The following PRKAR1A variants were observed in gnomAD, a reference collection of about 807,000 sequenced individuals.
PRKAR1A encodes the protein cAMP-dependent protein kinase type I-alpha regulatory subunit.
Under a neutral mutation model 52.0 loss-of-function variants are expected in PRKAR1A, and 3 were observed. The ratio of observed to expected loss-of-function variants is 0.06; its 90% confidence interval spans 0.03 to 0.15. The LOEUF (loss-of-function observed/expected upper bound fraction) is 0.15, where lower values mean the gene tolerates loss of function less well. Among genes scored for constraint, PRKAR1A ranks in the 10% least tolerant of loss-of-function variants. The pLI is 1.00. For missense variants in PRKAR1A, 240 were observed against 477.4 expected, an observed-to-expected ratio of 0.50 and a Z score of 4.63; for synonymous variants, 188 against 168.4, an observed-to-expected ratio of 1.12 and a Z score of -0.90.
chr17:68,482,225 C>T, the PRKAR1A span, among the ~76,000 whole-genome samples: 132 of 152,340 alleles, frequency 8.7e-4, no homozygotes, highest in Middle Eastern at 6.8e-3. Flanking sequence ...TAATTTAAAA[C>T]TTATGTCGTC....
chr17:68,531,476 G>C lies in PRKAR1A; in HGVS notation c.*1027G>C. 1.9e-6 allele frequency: 2 copies of C among 1,066,154 alleles called. No individual in the cohort carries two copies. The highest frequency in any genetic ancestry group is 2.3e-6 in the Non-Finnish European group (2 of 879,566). 66.0% of individuals were successfully genotyped at this position (1,066,154 alleles called of 1,614,324 possible). ...GCTGCTAAAGGGAGAAATGCCAGGC[G>C]GACAAAGTTCAGTGTCGGGAATTTT... On this transcript the variant is annotated 3_prime_UTR_variant, in exon 11 of 11. Coordinates refer to ENST00000589228, the MANE Select transcript of PRKAR1A (RefSeq NM_002734.5).
chr17:68,485,294 G>A, the PRKAR1A span, among the ~76,000 whole-genome samples: 2 of 152,188 alleles, frequency 1.3e-5, no homozygotes, highest in Non-Finnish European at 1.5e-5. Flanking sequence ...CCCCTAAAAT[G>A]AGCTAATATT....
the PRKAR1A span, among the ~76,000 whole-genome samples, chr17:68,445,248 C>T: frequency 6.6e-6 from 1 of 152,118 alleles, no homozygotes; most frequent in East Asian, 1.9e-4. Flanking sequence ...TGATCAGACC[C>T]CCTGTGCCAT....
chr17:68,437,029 T>TGC, the PRKAR1A span, among the ~76,000 whole-genome samples: 2 of 150,564 alleles, frequency 1.3e-5, no homozygotes, highest in African/African-American at 4.9e-5. Flanking sequence ...TGTGTGTGTG[T>TGC]GTGTGTGTAT....
At chr17:68,420,075 AC>A in the PRKAR1A span, 1 of 1,226,092 alleles carries the variant, frequency 8.2e-7, no homozygotes. Flanking sequence ...CATCATTGGA[AC>A]ATTTGGTTAT....
the PRKAR1A span, among the ~76,000 whole-genome samples, chr17:68,506,155 A>C: frequency 6.6e-6 from 1 of 152,210 alleles, no homozygotes; most frequent in Non-Finnish European, 1.5e-5. Context: ...CAACATCTAA[A>C]GCATTTACTA....
At chr17:68,545,212 G>A (rs550249660) in intron 11 of PRKAR1A, among the ~76,000 whole-genome samples, 1 of 152,202 alleles carries the variant, frequency 6.6e-6, no homozygotes, top group African/African-American at 2.4e-5. Flanking sequence ...CTGTGTTATG[G>A]TATGAAAATA....
At chr17:68,524,700 G>GGT (rs2085728848) in intron 5 of PRKAR1A, among the ~76,000 whole-genome samples, 1 of 151,874 alleles carries the variant, frequency 6.6e-6, no homozygotes, top group Non-Finnish European at 1.5e-5. Context: ...TTTTTTCAGA[G>GGT]GTATTCTTCA....
the PRKAR1A span, among the ~76,000 whole-genome samples, chr17:68,470,830 A>G: frequency 6.6e-6 from 1 of 152,354 alleles, no homozygotes; most frequent in Admixed American, 6.5e-5. Context: ...AGACAAAGAA[A>G]TGGAGGCTCA....
In PRKAR1A at chr17:68,530,939, A is replaced by C. The variant is rs1042229326; in HGVS notation, c.*490A>C. ...TGGATATAGAAAATCTTAGTATAGT[A>C]GAAAGACATCTGCCTGTAATTAAAC... is the stretch of plus-strand genomic sequence containing the variant. On this transcript the variant is annotated 3_prime_UTR_variant, in exon 11 of 11. Coordinates refer to ENST00000589228, the MANE Select transcript of PRKAR1A (RefSeq NM_002734.5). 9.1e-7 allele frequency: 1 copy of C among 1,097,190 alleles called. No homozygotes were observed. The highest frequency in any genetic ancestry group is 4.5e-5 in the Admixed American group (1 of 22,142). The allele number at this position is 1,097,190 out of a possible 1,614,324, so 68.0% of individuals were successfully genotyped here. A position where few individuals can be genotyped will look rare whatever the true frequency, so the allele number is the denominator to read the frequency against.
At chr17:68,485,069 A>T in the PRKAR1A span, among the ~76,000 whole-genome samples, 1 of 152,226 alleles carries the variant, frequency 6.6e-6, no homozygotes, top group African/African-American at 2.4e-5. Flanking sequence ...AACAACTTGA[A>T]CTTCTATGAT....
At chr17:68,500,415 C>G in the PRKAR1A span, among the ~76,000 whole-genome samples, 5 of 152,324 alleles carry the variant, frequency 3.3e-5, no homozygotes, top group African/African-American at 9.6e-5. Flanking sequence ...GTAAGACATG[C>G]CTTTTGCCTT....
upstream of PRKAR1A, among the ~76,000 whole-genome samples, chr17:68,508,812 C>T (rs2143063479): frequency 6.6e-6 from 1 of 152,270 alleles, no homozygotes; most frequent in South Asian, 2.1e-4. Context: ...AATTAATGCT[C>T]AAGATAAACA....
the PRKAR1A span, among the ~76,000 whole-genome samples, chr17:68,416,635 C>T: frequency 3.3e-5 from 5 of 152,156 alleles, no homozygotes; most frequent in African/African-American, 1.2e-4. Flanking sequence ...AACATAATCC[C>T]AGCCTTCTTG....
chr17:68,492,390 C>T, the PRKAR1A span, among the ~76,000 whole-genome samples: 1 of 152,104 alleles, frequency 6.6e-6, no homozygotes, highest in African/African-American at 2.4e-5. Flanking sequence ...GGTGCAGACC[C>T]CAAGGTTCTT....
rs185914270 is a variant in PRKAR1A at position 68,527,630 on chromosome 17, C to T, written c.709-210C>T. 1.3e-4 allele frequency: 68 copies of T among 522,834 alleles called. 1 individual carries two copies. The highest frequency in any genetic ancestry group is 1.0e-3 in the South Asian group (48 of 47,446). The allele number at this position is 522,834 out of a possible 1,614,324, so 32.4% of individuals were successfully genotyped here. On this transcript the variant is annotated intron_variant, in intron 7 of 10. Transcript: ENST00000589228. ...TGCTAGGAATTGGGCATAATATTGG[C>T]GGAAAATAAAAATCACAAGAATGTC...
chr17:68,475,624 T>C, the PRKAR1A span, among the ~76,000 whole-genome samples: 9 of 152,190 alleles, frequency 5.9e-5, no homozygotes, highest in African/African-American at 2.2e-4. Flanking sequence ...CCACCACGCC[T>C]GGCTAATTTT....
intron 1 of PRKAR1A, 126 bp from the exon 2 acceptor site, chr17:68,515,267 TA>T: frequency 9.2e-7 from 1 of 1,081,600 alleles, no homozygotes; most frequent in Non-Finnish European, 1.4e-6. Context: ...CTTCCCTGTT[TA>T]AAAACAAAAT....
the PRKAR1A span, among the ~76,000 whole-genome samples, chr17:68,473,322 A>G: frequency 2.0e-5 from 3 of 152,086 alleles, no homozygotes; most frequent in Non-Finnish European, 4.4e-5. Context: ...TGGGAGGATC[A>G]GTTGAGCCCA....
Sources: gnomAD v4.1 joint callset for allele counts (sites outside exome capture counted in the v4.1 genomes callset) on GRCh38, gnomAD v4.1.1 for gene constraint, MANE v1.5 for transcripts, NCBI Gene and HGNC (gene_info 2026-07-23, HGNC 2026-07-21) for gene names.